The following VPS53 variants were observed in gnomAD, a reference collection of about 807,000 sequenced individuals.
VPS53 encodes the protein vacuolar protein sorting-associated protein 53 homolog.
Under a neutral mutation model 107.0 loss-of-function variants are expected in VPS53, and 70 were observed. The observed-to-expected ratio is 0.65, with a 90% CI of 0.54 to 0.80. The LOEUF is 0.80. Ranked by LOEUF, VPS53 falls within the 30% of genes least tolerant of loss-of-function variation. The probability of loss-of-function intolerance (pLI) is 0.00; values close to 1 mark genes in which losing one functional copy is unlikely to be tolerated. For missense variants in VPS53, 917 were observed against 1,049.4 expected (o/e 0.87, Z 1.74); for synonymous variants, 409 against 393.3 (o/e 1.04, Z -0.47).
intron 11 of VPS53, among the ~76,000 whole-genome samples, chr17:615,418 T>C (rs1432078291): frequency 2.0e-5 from 3 of 152,116 alleles, no homozygotes; most frequent in Admixed American, 1.3e-4. Context: ...CCGGGCGAGC[T>C]GGCCACACTC....
At chr17:589,958 T>G (rs1244986280) in intron 12 of VPS53, among the ~76,000 whole-genome samples, 2 of 152,092 alleles carry the variant, frequency 1.3e-5, no homozygotes, top group African/African-American at 4.8e-5. Flanking sequence ...ATCTGTAAAT[T>G]ACCTTGGGCA....
In VPS53 at chr17:714,740, C is replaced by T. The variant is rs370495610; in HGVS notation, c.-31G>A. ...CACCCGGCCCCCTGCCGACCCCCGC[C>T]GCGAGCCCAACTCAGGCCTCCAGCC... On this transcript the variant is annotated 5_prime_UTR_variant, in exon 1 of 22. Transcript: ENST00000437048. The T allele has an allele frequency of 3.7e-6, 6 of 1,612,612 alleles. No individual in the cohort carries two copies. The African/African-American group carries it at 6.7e-5, about 18-fold the overall frequency.
At chr17:619,890 T>C (rs551953787) in intron 11 of VPS53, among the ~76,000 whole-genome samples, 37 of 140,828 alleles carry the variant, frequency 2.6e-4, no homozygotes, top group Non-Finnish European at 4.5e-4. Context: ...CCCGCTAATA[T>C]TTCCCGGGTA....
intron 19 of VPS53, among the ~76,000 whole-genome samples, chr17:529,478 A>C (rs1161645057): frequency 6.6e-6 from 1 of 152,072 alleles, no homozygotes; most frequent in African/African-American, 2.4e-5. Flanking sequence ...ATTAGGATTG[A>C]ATTCTATCTA....
At chr17:643,946 G>T (rs1260284551) in intron 7 of VPS53, among the ~76,000 whole-genome samples, 1 of 152,196 alleles carries the variant, frequency 6.6e-6, no homozygotes, top group Non-Finnish European at 1.5e-5. Context: ...ACTCCATCAT[G>T]AGACCTGCCA....
At chr17:562,457 T>TTTA in intron 14 of VPS53, 46 bp downstream of exon 14, 1 of 1,605,226 alleles carries the variant, frequency 6.2e-7, no homozygotes, top group Non-Finnish European at 8.5e-7. Context: ...GATTCCCATA[T>TTTA]TTAGGTCTAT....
Position 629,170 on chromosome 17 carries a change from A to G in VPS53, c.688-939T>C, listed in dbSNP as rs571468841. Reference sequence around the variant, plus strand: ...ATCTCAACTGAAGTTCCACGCTTCTAAAGTGTTATATAAGCTGCCTGAGAC... The same window carrying G: ...ATCTCAACTGAAGTTCCACGCTTCTGAAGTGTTATATAAGCTGCCTGAGAC... On this transcript the variant is annotated intron_variant, in intron 8 of 21. Transcript: ENST00000437048. 5.9e-5 allele frequency among the ~76,000 whole-genome samples: 9 copies of G among 152,302 alleles called. No homozygotes were observed. The East Asian group carries it at 1.4e-3, about 23-fold the overall frequency.
Position 623,181 on chromosome 17 carries a change from T to A in VPS53, c.1116+352A>T, listed in dbSNP as rs146026996. The stretch of plus-strand genomic sequence containing the variant: ...ACCAGAGATGTTAAAAGGTAAACCC[T>A]AAAGTAAAAACATATCCTAATTGTA... On this transcript the variant is annotated intron_variant, in intron 11 of 21. Coordinates refer to ENST00000437048, the MANE Select transcript of VPS53 (RefSeq NM_001128159.3). 1.8e-3 allele frequency among the ~76,000 whole-genome samples: 279 copies of A among 152,290 alleles called. 1 individual carries two copies. Among genetic ancestry groups the A allele is most frequent in the African/African-American group, 6.4e-3 (268 of 41,556 alleles).
In VPS53 at chr17:517,048, A is replaced by G. The variant is rs776525882; in HGVS notation, c.*2080T>C. 2 of 168,042 alleles carry G rather than the reference A, an allele frequency of 1.2e-5. No homozygotes were observed. Among genetic ancestry groups the G allele is most frequent in the Admixed American group, 6.4e-5 (1 of 15,730 alleles). 10.4% of individuals were successfully genotyped at this position (168,042 alleles called of 1,614,324 possible). A position where few individuals can be genotyped will look rare whatever the true frequency, so the allele number is the denominator to read the frequency against. On this transcript the variant is annotated 3_prime_UTR_variant, in exon 22 of 22. Transcript: ENST00000437048. ...GACAGACGGCTGAACTGGCTGTGCTATTTGGAGATGGGCCCCACCGCCCCT... is the reference window on the plus strand; with the variant it reads ...GACAGACGGCTGAACTGGCTGTGCTGTTTGGAGATGGGCCCCACCGCCCCT...
chr17:542,642 C>A (rs1241150941), intron 17 of VPS53, among the ~76,000 whole-genome samples: 4 of 152,046 alleles, frequency 2.6e-5, no homozygotes, highest in Non-Finnish European at 5.9e-5. Flanking sequence ...AGATATGTAT[C>A]AATTAATTGA....
At chr17:604,645 T>C (rs952749239) in intron 11 of VPS53, among the ~76,000 whole-genome samples, 1 of 152,224 alleles carries the variant, frequency 6.6e-6, no homozygotes, top group East Asian at 1.9e-4. Flanking sequence ...GATTTTGCCA[T>C]GTTGCCTGGG....
At chr17:604,357 T>C (rs759649328) in intron 11 of VPS53, among the ~76,000 whole-genome samples, 1 of 151,940 alleles carries the variant, frequency 6.6e-6, no homozygotes, top group African/African-American at 2.4e-5. Flanking sequence ...CTACTCTCGC[T>C]GGCGTAAAGC....
intron 3 of VPS53, 80 bp from the exon 4 acceptor site, chr17:697,564 T>C: frequency 8.3e-7 from 1 of 1,211,146 alleles, no homozygotes; most frequent in East Asian, 2.3e-5. Flanking sequence ...TAAAAAGTAA[T>C]TTATTCATCA....
chr17:691,812 A>C (rs1972785479), intron 4 of VPS53, among the ~76,000 whole-genome samples: 1 of 152,210 alleles, frequency 6.6e-6, no homozygotes, highest in African/African-American at 2.4e-5. Context: ...GCATACTGTC[A>C]TAATTGTGCT....
chr17:587,890 T>C (rs1967406399), intron 12 of VPS53, among the ~76,000 whole-genome samples: 1 of 152,184 alleles, frequency 6.6e-6, no homozygotes, highest in South Asian at 2.1e-4. Context: ...CCCTACATAA[T>C]TAATGTATAC....
intron 13 of VPS53, among the ~76,000 whole-genome samples, chr17:583,294 T>G (rs1182330181): frequency 6.8e-6 from 1 of 147,488 alleles, no homozygotes; most frequent in Non-Finnish European, 1.5e-5. Context: ...CTCAGTGTGT[T>G]CCCAGAGAAC....
chr17:567,674 G>A (rs1913650681), intron 13 of VPS53, among the ~76,000 whole-genome samples: 1 of 151,552 alleles, frequency 6.6e-6, no homozygotes, highest in Non-Finnish European at 1.5e-5. Context: ...CTAGGAGGAG[G>A]CCAGGAGTTT....
chr17:551,711 C>T lies in VPS53; in HGVS notation c.1866+161G>A, dbSNP rs543112642. ...ACAAGCAACTGAACTGACGCAGGTG[C>T]GACACTAACTGAGTGCTTTCAGGAA... is the stretch of plus-strand genomic sequence containing the variant. On this transcript the variant is annotated intron_variant, in intron 17 of 21. Transcript: ENST00000437048. 6.5e-5 allele frequency: 32 copies of T among 493,442 alleles called. No homozygotes were observed. In the South Asian group the frequency reaches 9.2e-4, roughly 14 times the overall value. The allele number at this position is 493,442 out of a possible 1,614,324, so 30.6% of individuals were successfully genotyped here.
At chr17:645,764 T>A (rs200550398) in intron 7 of VPS53, among the ~76,000 whole-genome samples, 1 of 147,312 alleles carries the variant, frequency 6.8e-6, no homozygotes, top group South Asian at 2.1e-4. Context: ...CGACTGGAGA[T>A]AGGCTCCCAC....
Sources: gnomAD v4.1 joint callset for allele counts (sites outside exome capture counted in the v4.1 genomes callset) on GRCh38, gnomAD v4.1.1 for gene constraint, MANE v1.5 for transcripts, NCBI Gene and HGNC (gene_info 2026-07-23, HGNC 2026-07-21) for gene names.